Variants in NBPF26 observed in about 807,000 individuals in gnomAD.
NBPF26 encodes NBPF family member NBPF26.
A neutral mutation model predicts 119.6 loss-of-function variants in NBPF26; 79 were observed. The observed-to-expected ratio is 0.66, with a 90% CI of 0.55 to 0.80. NBPF26 has a LOEUF of 0.80. Ranked by LOEUF, NBPF26 falls within the 30% of genes least tolerant of loss-of-function variation. The pLI is 0.00. For missense variants in NBPF26, 800 were observed against 1,198.2 expected, an observed-to-expected ratio of 0.67 and a Z score of 4.91; for synonymous variants, 299 against 457.7, an observed-to-expected ratio of 0.65 and a Z score of 4.43.
intron 2 of NBPF26, among the ~76,000 whole-genome samples, chr1:120,771,959 AAC>A (rs1286287441): frequency 3.5e-4 from 1 of 2,872 alleles, no homozygotes; most frequent in Non-Finnish European, 6.0e-4. Flanking sequence ...GGTTTCTTTC[AAC>A]ACAGTCTCCA....
intron 1 of NBPF26, among the ~76,000 whole-genome samples, chr1:120,761,351 G>A (rs1651135175): frequency 8.9e-6 from 1 of 112,804 alleles, no homozygotes; most frequent in African/African-American, 5.4e-5. Context: ...TGTTGCTGGT[G>A]GATCACAGGG....
intron 1 of NBPF26, among the ~76,000 whole-genome samples, chr1:120,733,146 A>G (rs1650882194): frequency 9.5e-6 from 1 of 105,564 alleles, no homozygotes; most frequent in Non-Finnish European, 1.7e-5. Context: ...TAGTTTATGA[A>G]CAGATCTACA....
At chr1:120,724,351 C>T in intron 1 of NBPF26, 101 bp downstream of exon 1, 3 of 1,353,186 alleles carry the variant, frequency 2.2e-6, no homozygotes, top group East Asian at 2.6e-5. Flanking sequence ...AGGCCAGGCT[C>T]GGCCGCCGGC....
Position 120,813,150 on chromosome 1 carries a change from C to A in NBPF26, c.1775-741C>A, listed in dbSNP as rs1224169061. On this transcript the variant is annotated intron_variant, in intron 10 of 29. Transcript: ENST00000620612. ...CATCCAAGTTGCTTGTCTTGTCTGT[C>A]CCTCAGTTTCCTCACCTGTTCAGAG... is the stretch of plus-strand genomic sequence containing the variant. Among the ~76,000 whole-genome samples the A allele has an allele frequency of 7.7e-4, 92 of 120,000 alleles. 3 individuals carry two copies. In the East Asian group the frequency reaches 0.017, roughly 23 times the overall value. 78.7% of individuals were successfully genotyped at this position (120,000 alleles called of 152,430 possible). A position where few individuals can be genotyped will look rare whatever the true frequency, so the allele number is the denominator to read the frequency against.
rs1553271041 is a variant in NBPF26 at position 120,811,964 on chromosome 1, T to G, written c.1643T>G (p.Ile548Arg). Residue 548 changes from isoleucine (I) to arginine (R), a missense_variant, in exon 10 of 30, where the codon ATA becomes AGA. By Grantham distance (97) the Ile-to-Arg change is moderately conservative (BLOSUM62 -3). Coordinates refer to ENST00000620612, the Ensembl canonical transcript of NBPF26. ...CCTTTGTCCGGCGAGAAGGCAGCGA[T>G]AAACATTCTAGAAATCAATGAGAAA... 6 of 1,237,350 alleles carry G rather than the reference T, an allele frequency of 4.8e-6. 2 individuals are homozygous for G. The East Asian group carries it at 9.4e-5, about 19-fold the overall frequency. The allele number at this position is 1,237,350 out of a possible 1,614,324, so 76.6% of individuals were successfully genotyped here.
At chr1:120,805,559 C>G in exon 5 of NBPF26, 1 of 1,402,290 alleles carries the variant, frequency 7.1e-7, no homozygotes. Context: ...TCCCCAGTCC[C>G]TGACTCCACC....
Position 120,778,448 on chromosome 1 carries a change from A to G in NBPF26, c.156-6526A>G, listed in dbSNP as rs1651323858. Among the ~76,000 whole-genome samples the G allele has an allele frequency of 4.5e-5, 5 of 111,428 alleles. 2 individuals carry two copies. The highest frequency in any genetic ancestry group is 2.8e-4 in the African/African-American group (5 of 17,576). 73.1% of individuals were successfully genotyped at this position (111,428 alleles called of 152,430 possible). The stretch of plus-strand genomic sequence containing the variant: ...TCAGTGCCGACGCAACCCACATGAG[A>G]CTTTTTTTTCCCCTTCGTTCCACAT... On this transcript the variant is annotated intron_variant, in intron 2 of 29. Transcript: ENST00000620612.
intron 10 of NBPF26, among the ~76,000 whole-genome samples, chr1:120,813,618 A>G (rs1285902474): frequency 1.5e-3 from 169 of 115,278 alleles, no homozygotes; most frequent in Middle Eastern, 4.1e-3. Context: ...GACCTCAGGG[A>G]CTGTGAATTC....
Position 120,779,721 on chromosome 1 carries a change from C to T in NBPF26, c.156-5253C>T. On this transcript the variant is annotated intron_variant, in intron 2 of 29. Transcript: ENST00000620612. Reference sequence around the variant, plus strand: ...GGTGTTGGGTGTTTAGCCATGTTTTCACTCTCTAACCAAATTCAACTTTAG... The same window carrying T: ...GGTGTTGGGTGTTTAGCCATGTTTTTACTCTCTAACCAAATTCAACTTTAG... Among the ~76,000 whole-genome samples the T allele has an allele frequency of 1.6e-5, 2 of 121,580 alleles. 1 individual carries two copies. The allele number at this position is 121,580 out of a possible 152,430, so 79.8% of individuals were successfully genotyped here.
At chr1:120,726,850 G>A (rs1472942990) in intron 1 of NBPF26, among the ~76,000 whole-genome samples, 1 of 105,148 alleles carries the variant, frequency 9.5e-6, no homozygotes, top group Non-Finnish European at 1.8e-5. Context: ...TAACTTCTTG[G>A]GATCTCTCTG....
chr1:120,734,522 A>G (rs1353187689), intron 1 of NBPF26, among the ~76,000 whole-genome samples: 1 of 43,542 alleles, frequency 2.3e-5, no homozygotes, highest in Admixed American at 2.3e-4. Flanking sequence ...TGAATAGGAA[A>G]AGAGATTTGA....
At chr1:120,806,301 G>C (rs1651681167) in intron 5 of NBPF26, among the ~76,000 whole-genome samples, 1 of 117,916 alleles carries the variant, frequency 8.5e-6, no homozygotes. Flanking sequence ...AGCATCAAGA[G>C]CAGGGAGTAG....
chr1:120,811,084 C>CA (rs1271078942), intron 9 of NBPF26, among the ~76,000 whole-genome samples: 1,335 of 83,288 alleles, frequency 0.016, 309 homozygotes, highest in South Asian at 0.052. Flanking sequence ...ACTAAAAATA[C>CA]AAAAAAAAAA....
At position 120,815,084 on chromosome 1, in the gene NBPF26, T is replaced by C. The variant is rs1553271582; in HGVS notation, c.2092+41T>C. On this transcript the variant is annotated intron_variant, in intron 12 of 29. Transcript: ENST00000620612. ...GCCCTGATGACCCAAAATCCCAGGC[T>C]TATGAGAGACTCCAGACCTCCATAC... The C allele has an allele frequency of 2.2e-5, 26 of 1,165,332 alleles. 5 individuals carry two copies. Among genetic ancestry groups the C allele is most frequent in the Middle Eastern group, 5.4e-4 (2 of 3,694 alleles). The allele number at this position is 1,165,332 out of a possible 1,614,324, so 72.2% of individuals were successfully genotyped here. A position where few individuals can be genotyped will look rare whatever the true frequency, so the allele number is the denominator to read the frequency against.
At chr1:120,791,632 A>C (rs2101469068) in intron 3 of NBPF26, among the ~76,000 whole-genome samples, 1 of 39,166 alleles carries the variant, frequency 2.6e-5, no homozygotes, top group Non-Finnish European at 4.4e-5. Flanking sequence ...GAACATCACA[A>C]ACCGGGGCCT....
rs1256068249 is a variant in NBPF26 at position 120,810,042 on chromosome 1, C to T, written c.1352+159C>T. Among the ~76,000 whole-genome samples the T allele has an allele frequency of 6.7e-5, 9 of 134,340 alleles. No individual in the cohort carries two copies. The South Asian group carries it at 8.8e-4, about 13-fold the overall frequency. 88.1% of individuals were successfully genotyped at this position (134,340 alleles called of 152,430 possible). A position where few individuals can be genotyped will look rare whatever the true frequency, so the allele number is the denominator to read the frequency against. On this transcript the variant is annotated intron_variant, in intron 8 of 29. Transcript: ENST00000620612. ...CTTAGACACAGGGTGCGGCAGCTGTCGTGTTTCTCTATGTGTGCCAAGTGT... is the reference window on the plus strand; with the variant it reads ...CTTAGACACAGGGTGCGGCAGCTGTTGTGTTTCTCTATGTGTGCCAAGTGT...
Position 120,793,363 on chromosome 1 carries a change from G to A in NBPF26, c.618G>A (p.Gln206=), listed in dbSNP as rs1651515192. ...GCCTCAACCTGCCTGGTTCCTACCA[G>A]TGCCAGTGCCTTCAGGGCTTCACAG... is the stretch of plus-strand genomic sequence containing the variant. The change falls in exon 4 of 30, where the codon CAG becomes CAA. Residue 206 remains glutamine (Q), a synonymous_variant. Transcript: ENST00000620612. The A allele has an allele frequency of 1.4e-6, 2 of 1,426,268 alleles. 1 individual carries two copies. The highest frequency in any genetic ancestry group is 5.4e-5 in the African/African-American group (2 of 37,358). 88.4% of individuals were successfully genotyped at this position (1,426,268 alleles called of 1,614,324 possible). A position where few individuals can be genotyped will look rare whatever the true frequency, so the allele number is the denominator to read the frequency against.
At chr1:120,804,448 AAC>A (rs1651626928) in intron 4 of NBPF26, among the ~76,000 whole-genome samples, 1 of 76,034 alleles carries the variant, frequency 1.3e-5, no homozygotes, top group Admixed American at 1.3e-4. Context: ...ATATATATCA[AAC>A]CATATTCCAT....
At chr1:120,832,700 A>G (rs1652370583) in intron 22 of NBPF26, among the ~76,000 whole-genome samples, 175 bp from the exon 27 acceptor site, 1 of 120,388 alleles carries the variant, frequency 8.3e-6, no homozygotes, top group Non-Finnish European at 1.6e-5. Context: ...TTCTGGGAGA[A>G]AAACCGAGGA....
Sources: allele counts gnomAD v4.1 joint callset (sites outside exome capture counted in the v4.1 genomes callset), GRCh38; gene constraint gnomAD v4.1.1; transcripts MANE v1.5; gene names NCBI Gene and HGNC (gene_info 2026-07-23, HGNC 2026-07-21).